Variants in USP24 observed in about 807,000 individuals in gnomAD.
The protein encoded by USP24 is ubiquitin specific peptidase 24, also known as ubiquitin carboxyl-terminal hydrolase 24.
Under a neutral mutation model 361.6 loss-of-function variants are expected in USP24, and 97 were observed. The ratio of observed to expected loss-of-function variants is 0.27; its 90% CI spans 0.23 to 0.32. USP24 has a LOEUF of 0.32. USP24 is among the 10% of genes least tolerant of loss of function. The pLI, the probability that USP24 is intolerant of heterozygous loss-of-function variation, is 1.00. For missense variants in USP24, 2,353 were observed against 3,165.6 expected, an observed-to-expected ratio of 0.74 and a Z score of 6.16; for synonymous variants, 1,098 against 1,124.6, an observed-to-expected ratio of 0.98 and a Z score of 0.47.
intron 7 of USP24, among the ~76,000 whole-genome samples, 156 bp downstream of exon 7, chr1:55,165,729 C>T (rs1648762817): frequency 6.6e-6 from 1 of 151,788 alleles, no homozygotes; most frequent in South Asian, 2.1e-4. Context: ...TAGGAGTAAA[C>T]ATTTCTTTGG....
At chr1:55,153,962 A>C (rs1015447147) in intron 15 of USP24, 45 bp from the exon 16 acceptor site, 16 of 1,542,628 alleles carry the variant, frequency 1.0e-5, no homozygotes, top group Non-Finnish European at 1.4e-5. Flanking sequence ...TGGTAAAAGC[A>C]ATACCTATAA....
chr1:55,169,137 A>C (rs1264184301), intron 5 of USP24, among the ~76,000 whole-genome samples: 3 of 152,170 alleles, frequency 2.0e-5, no homozygotes, highest in Non-Finnish European at 4.4e-5. Flanking sequence ...AGTCAAAAAA[A>C]CAAAATTTAT....
At chr1:55,166,235 T>G (rs946737403) in intron 6 of USP24, among the ~76,000 whole-genome samples, 1 of 151,602 alleles carries the variant, frequency 6.6e-6, no homozygotes, top group African/African-American at 2.4e-5. Flanking sequence ...CACATATTAA[T>G]TTTAAAATAT....
chr1:55,140,663 T>A (rs1646861393), intron 24 of USP24, among the ~76,000 whole-genome samples: 1 of 152,180 alleles, frequency 6.6e-6, no homozygotes, highest in Non-Finnish European at 1.5e-5. Context: ...TATCCCGTTG[T>A]GAATAAGAAT....
In USP24 at chr1:55,176,439, A is replaced by G; in HGVS notation, c.495T>C (p.Leu165=). 1 of 1,568,030 alleles carries G rather than the reference A, an allele frequency of 6.4e-7. No homozygotes were observed. The change falls in exon 3 of 68, where the codon CTT becomes CTC. Residue 165 remains leucine (L), a synonymous_variant. Transcript: ENST00000294383. ...LASTYLARLG[L]SESDENCRRF... ...TTCTACAATTCTCATCAGACTCGGA[A>G]AGACCTTAGTAAAATGCATGAAATA... is the stretch of plus-strand genomic sequence containing the variant.
At chr1:55,119,530 G>A (rs1453036521) in intron 38 of USP24, among the ~76,000 whole-genome samples, 2 of 151,894 alleles carry the variant, frequency 1.3e-5, no homozygotes, top group African/African-American at 2.4e-5. Context: ...ACTTAATGTC[G>A]CGGAATTGTA....
chr1:55,211,861 A>G (rs1243854065), intron 1 of USP24, among the ~76,000 whole-genome samples: 1 of 152,234 alleles, frequency 6.6e-6, no homozygotes, highest in Non-Finnish European at 1.5e-5. Context: ...TGACACTGAA[A>G]TGTCCTGTGC....
chr1:55,135,362 A>G (rs1346091202), intron 28 of USP24, among the ~76,000 whole-genome samples: 1 of 152,166 alleles, frequency 6.6e-6, no homozygotes, highest in African/African-American at 2.4e-5. Context: ...CTGAAATGTG[A>G]AATTCTCCAA....
At chr1:55,094,334 A>G (rs1292879618) in intron 51 of USP24, among the ~76,000 whole-genome samples, 1 of 152,234 alleles carries the variant, frequency 6.6e-6, no homozygotes, top group Non-Finnish European at 1.5e-5. Context: ...AGTGCAGGGC[A>G]AATTTAACAC....
intron 1 of USP24, among the ~76,000 whole-genome samples, chr1:55,196,695 T>C (rs1301137974): frequency 2.0e-5 from 3 of 152,236 alleles, no homozygotes; most frequent in East Asian, 1.9e-4. Context: ...AAAATTAACA[T>C]GTTCAAAAAC....
chr1:55,215,221 C>T lies in USP24; in HGVS notation c.-108G>A, dbSNP rs1644960723. On this transcript the variant is annotated 5_prime_UTR_variant, in exon 1 of 68. Coordinates refer to ENST00000294383, the MANE Select transcript of USP24 (RefSeq NM_015306.3). ...GCGCCGCCTCCGCGCCCAGGTTGGC[C>T]CCTGCGTTCCTGCCCCGGGTGCTCC... The T allele has an allele frequency of 8.6e-6, 8 of 935,598 alleles. No individual in the cohort carries two copies. The highest frequency in any genetic ancestry group is 3.5e-5 in the African/African-American group (2 of 57,390). The allele number at this position is 935,598 out of a possible 1,614,324, so 58.0% of individuals were successfully genotyped here.
rs569592930 is a variant in USP24, at chr1:55,101,424, A to ATT, written c.5145+158_5145+159dup. ...AACAGCAACTTTATAAAAATGTGTGATTATACACAACATGTCTTTACACAT... is the reference window on the plus strand; with the variant it reads ...AACAGCAACTTTATAAAAATGTGTGATTTTATACACAACATGTCTTTACACAT... On this transcript the variant is annotated intron_variant, in intron 43 of 67. Coordinates refer to ENST00000294383, the MANE Select transcript of USP24 (RefSeq NM_015306.3). Among the ~76,000 whole-genome samples the ATT allele has an allele frequency of 2.2e-4, 34 of 151,750 alleles. No homozygotes were observed. In the South Asian group the frequency reaches 6.6e-3, roughly 30 times the overall value.
In USP24 at chr1:55,178,258, A is replaced by G. The variant is rs368256661; in HGVS notation, c.325-126T>C. 8.2e-6 allele frequency: 8 copies of G among 970,330 alleles called. No homozygotes were observed. In the African/African-American group the frequency reaches 8.3e-5, roughly 10 times the overall value. The allele number at this position is 970,330 out of a possible 1,614,324, so 60.1% of individuals were successfully genotyped here. On this transcript the variant is annotated intron_variant, in intron 1 of 67. Coordinates refer to ENST00000294383, the MANE Select transcript of USP24 (RefSeq NM_015306.3). ...TATTAATACCAATAGCATGGATTCT[A>G]CCTTTCTTTCCTATAATCACATCTT...
intron 1 of USP24, among the ~76,000 whole-genome samples, chr1:55,181,036 C>T (rs111891949): frequency 1.9e-3 from 292 of 151,366 alleles, no homozygotes; most frequent in African/African-American, 6.9e-3. Flanking sequence ...TTGCCTAATA[C>T]GCACACTAGT....
At chr1:55,143,527 A>G (rs1646946080) in intron 21 of USP24, among the ~76,000 whole-genome samples, 1 of 152,236 alleles carries the variant, frequency 6.6e-6, no homozygotes. Context: ...TCTAAAGCTC[A>G]GTAGTAAACA....
At chr1:55,098,629 A>C (rs1319765193) in intron 45 of USP24, 71 bp from the exon 46 acceptor site, 1 of 1,139,220 alleles carries the variant, frequency 8.8e-7, no homozygotes, top group Non-Finnish European at 1.3e-6. Flanking sequence ...TTTTATTAAC[A>C]CATTGCAATT....
At chr1:55,115,094 C>T (rs577291621) in intron 38 of USP24, among the ~76,000 whole-genome samples, 1 of 152,152 alleles carries the variant, frequency 6.6e-6, no homozygotes, top group South Asian at 2.1e-4. Flanking sequence ...TATGAACAGA[C>T]TTCTCAAAAG....
chr1:55,101,524 A>T, intron 43 of USP24, 60 bp downstream of exon 43: 1 of 1,546,280 alleles, frequency 6.5e-7, no homozygotes, highest in Non-Finnish European at 8.7e-7. Context: ...ACTATGAAAC[A>T]ATTTTCAAGT....
At position 55,178,728 on chromosome 1, in the gene USP24, T is replaced by A. The variant is rs4927197; in HGVS notation, c.325-596A>T. On this transcript the variant is annotated intron_variant, in intron 1 of 67. Coordinates refer to ENST00000294383, the MANE Select transcript of USP24 (RefSeq NM_015306.3). ...ATAAATAAATAAATAAATAAATAAA[T>A]AAAAAGAACTGTCTAGGCCGGACAT... is the stretch of plus-strand genomic sequence containing the variant. Among the ~76,000 whole-genome samples, 392 of 85,202 alleles carry A rather than the reference T, an allele frequency of 4.6e-3. 1 individual carries two copies. Among genetic ancestry groups the A allele is most frequent in the South Asian group, 8.6e-3 (19 of 2,208 alleles). 55.9% of individuals were successfully genotyped at this position (85,202 alleles called of 152,430 possible).
Sources: gnomAD v4.1 joint callset for allele counts (sites outside exome capture counted in the v4.1 genomes callset) on GRCh38, gnomAD v4.1.1 for gene constraint, MANE v1.5 for transcripts, NCBI Gene and HGNC (gene_info 2026-07-23, HGNC 2026-07-21) for gene names.